PRKAR2B: variants seen among roughly 807,000 people sequenced by gnomAD.
PRKAR2B encodes the protein protein kinase cAMP-dependent type II regulatory subunit beta.
In PRKAR2B, 14 loss-of-function variants were observed where a neutral mutation model predicts 49.9. The ratio of observed to expected loss-of-function variants is 0.28; its 90% CI spans 0.19 to 0.44. The LOEUF (loss-of-function observed/expected upper bound fraction) is 0.44. Among genes scored for constraint, PRKAR2B ranks in the 20% least tolerant of loss-of-function variants. The pLI is 1.00. For synonymous variants in PRKAR2B, 196 were observed against 197.7 expected, an observed-to-expected ratio of 0.99 and a Z score of 0.07; for missense variants, 393 against 537.9, an observed-to-expected ratio of 0.73 and a Z score of 2.67.
At chr7:107,064,585 T>C (rs1235730735) in intron 1 of PRKAR2B, among the ~76,000 whole-genome samples, 1 of 152,204 alleles carries the variant, frequency 6.6e-6, no homozygotes, top group Non-Finnish European at 1.5e-5. Context: ...ACATGGTTCA[T>C]AATCTGTGTC....
intron 5 of PRKAR2B, among the ~76,000 whole-genome samples, chr7:107,142,624 G>A (rs972718591): frequency 2.6e-5 from 4 of 152,132 alleles, no homozygotes; most frequent in Non-Finnish European, 2.9e-5. Context: ...ACTTGGTTCA[G>A]ATCACCCAAA....
chr7:107,086,285 T>G (rs1473708323), intron 2 of PRKAR2B, among the ~76,000 whole-genome samples: 2 of 152,150 alleles, frequency 1.3e-5, no homozygotes, highest in Non-Finnish European at 2.9e-5. Context: ...AGAGGGTTAT[T>G]TAGTCTGAAC....
rs1432348248 is a variant in PRKAR2B, at chr7:107,143,469, G to T, written c.587+2516G>T. ...AGACTGCAAGCCTGCCATTGTTTGT[G>T]GTTGCTCTTGTTTGGCAGCTGGTGC... On this transcript the variant is annotated intron_variant, in intron 5 of 10. Transcript: ENST00000265717. Among the ~76,000 whole-genome samples the T allele has an allele frequency of 5.9e-5, 9 of 152,290 alleles. No homozygotes were observed. In the East Asian group the frequency reaches 1.2e-3, roughly 20 times the overall value.
At chr7:107,104,674 C>T (rs1487049543) in intron 2 of PRKAR2B, among the ~76,000 whole-genome samples, 1 of 152,140 alleles carries the variant, frequency 6.6e-6, no homozygotes, top group Non-Finnish European at 1.5e-5. Flanking sequence ...TGAGGATTAT[C>T]CCTAAAACCT....
chr7:107,132,955 C>T (rs1378398933), intron 4 of PRKAR2B, among the ~76,000 whole-genome samples: 1 of 152,076 alleles, frequency 6.6e-6, no homozygotes, highest in Non-Finnish European at 1.5e-5. Flanking sequence ...GGCCATTTTC[C>T]TCCTGAAATA....
chr7:107,098,762 T>C (rs1794900710), intron 2 of PRKAR2B, among the ~76,000 whole-genome samples: 1 of 152,188 alleles, frequency 6.6e-6, no homozygotes, highest in East Asian at 1.9e-4. Flanking sequence ...GCAGGTCTGT[T>C]GTAGTTTGCT....
chr7:107,072,761 C>CA (rs1156516544), intron 2 of PRKAR2B, among the ~76,000 whole-genome samples: 1 of 152,036 alleles, frequency 6.6e-6, no homozygotes, highest in Non-Finnish European at 1.5e-5. Context: ...ATTATTTTCT[C>CA]AAAATGCAGT....
At chr7:107,108,307 T>C (rs893516030) in intron 2 of PRKAR2B, among the ~76,000 whole-genome samples, 8 of 152,044 alleles carry the variant, frequency 5.3e-5, no homozygotes, top group African/African-American at 1.9e-4. Flanking sequence ...CCGACTTACA[T>C]AGAATAGAAA....
chr7:107,107,767 C>T (rs1006032605), intron 2 of PRKAR2B, among the ~76,000 whole-genome samples: 2 of 152,010 alleles, frequency 1.3e-5, no homozygotes, highest in Non-Finnish European at 2.9e-5. Flanking sequence ...AAGCAATTCT[C>T]CGGCCTCAGC....
intron 1 of PRKAR2B, chr7:107,068,504 A>G (rs928962912): frequency 1.3e-5 from 2 of 152,118 alleles, no homozygotes; most frequent in African/African-American, 4.8e-5. Context: ...CTTTGTGTGT[A>G]TGTGTAGTAA....
intron 8 of PRKAR2B, among the ~76,000 whole-genome samples, chr7:107,154,345 A>G (rs910222620): frequency 6.6e-6 from 1 of 152,208 alleles, no homozygotes. Context: ...GGAAAATGAC[A>G]TTGGCATAAT....
rs11414978 is a variant in PRKAR2B, at chr7:107,144,786, C to CT, written c.588-1495dup. 8.0e-3 allele frequency among the ~76,000 whole-genome samples: 655 copies of CT among 81,908 alleles called. 11 individuals are homozygous for CT. Among genetic ancestry groups the CT allele is most frequent in the Non-Finnish European group, 0.011 (486 of 44,156 alleles). The allele number at this position is 81,908 out of a possible 152,430, so 53.7% of individuals were successfully genotyped here. ...AATAATTTTCTAATGTTAAAAGCCACTTTTTTTTTTTTTTTTTTTTTTTTT... is the reference window on the plus strand; with the variant it reads ...AATAATTTTCTAATGTTAAAAGCCACTTTTTTTTTTTTTTTTTTTTTTTTTT... On this transcript the variant is annotated intron_variant, in intron 5 of 10. Transcript: ENST00000265717.
At chr7:107,137,406 A>G (rs1452154546) in intron 4 of PRKAR2B, among the ~76,000 whole-genome samples, 1 of 152,160 alleles carries the variant, frequency 6.6e-6, no homozygotes, top group Non-Finnish European at 1.5e-5. Context: ...AAATCCCTAC[A>G]TGCCTACAAC....
intron 2 of PRKAR2B, among the ~76,000 whole-genome samples, chr7:107,100,668 A>G (rs1253456210): frequency 1.3e-5 from 2 of 152,038 alleles, no homozygotes; most frequent in East Asian, 1.9e-4. Flanking sequence ...ACGACTGTCT[A>G]TTTTTATTCA....
chr7:107,045,050 CCG>C lies in PRKAR2B; in HGVS notation c.149_150del (p.Arg50LeufsTer4). 6.5e-7 allele frequency: 1 copy of C among 1,545,920 alleles called. No homozygotes were observed. Among genetic ancestry groups the C allele is most frequent in the Non-Finnish European group, 8.7e-7 (1 of 1,149,426 alleles). ...CAGCAGGAGAACGAGCGCAAAGGCA[CCG>C]CGCGCTTCGGCCATGAGGGCAGGAC... On this transcript the variant is annotated frameshift_variant, in exon 1 of 11. Transcript: ENST00000265717. LOFTEE classifies it high-confidence loss of function.
chr7:107,066,926 TC>T (rs1360606365), intron 1 of PRKAR2B: 1 of 152,194 alleles, frequency 6.6e-6, no homozygotes, highest in East Asian at 1.9e-4. Flanking sequence ...CAGATTTTAC[TC>T]TCCATATATC....
At chr7:107,083,872 A>G (rs1318465921) in intron 2 of PRKAR2B, among the ~76,000 whole-genome samples, 1 of 152,092 alleles carries the variant, frequency 6.6e-6, no homozygotes, top group Non-Finnish European at 1.5e-5. Context: ...CAGCCTCCCA[A>G]AGTGCTGGGA....
At chr7:107,145,906 A>T (rs1795884363) in intron 5 of PRKAR2B, among the ~76,000 whole-genome samples, 2 of 150,896 alleles carry the variant, frequency 1.3e-5, no homozygotes, top group Admixed American at 1.3e-4. Flanking sequence ...CACCCGGCTA[A>T]TATTTTGTAT....
intron 1 of PRKAR2B, among the ~76,000 whole-genome samples, chr7:107,053,791 C>T (rs1258854592): frequency 6.6e-6 from 1 of 151,904 alleles, no homozygotes; most frequent in African/African-American, 2.4e-5. Context: ...CAAAGAGAAT[C>T]GTATTATAGT....
Sources: gnomAD v4.1 joint callset for allele counts (sites outside exome capture counted in the v4.1 genomes callset) on GRCh38, gnomAD v4.1.1 for gene constraint, MANE v1.5 for transcripts, NCBI Gene and HGNC (gene_info 2026-07-23, HGNC 2026-07-21) for gene names.